The following PIK3C2A variants were observed in gnomAD, a reference collection of about 807,000 sequenced individuals.
PIK3C2A encodes the protein phosphatidylinositol 4-phosphate 3-kinase C2 domain-containing subunit alpha.
PIK3C2A carries 97 observed loss-of-function variants against 204.5 expected under a neutral mutation model. That is an observed-to-expected ratio of 0.47 (90% CI 0.40 to 0.56). PIK3C2A has a LOEUF of 0.56. Ranked by LOEUF, PIK3C2A falls within the 20% of genes least tolerant of loss-of-function variation. The pLI, the probability that PIK3C2A is intolerant of heterozygous loss-of-function variation, is 0.00. For synonymous variants in PIK3C2A, 653 were observed against 664.4 expected (o/e 0.98, Z 0.26); for missense variants, 1,735 against 1,969.2 (o/e 0.88, Z 2.25).
chr11:17,142,041 C>T (rs1202945482), intron 8 of PIK3C2A, among the ~76,000 whole-genome samples: 1 of 151,810 alleles, frequency 6.6e-6, no homozygotes, highest in African/African-American at 2.4e-5. Context: ...TATCTCTGTA[C>T]CTTCCTCTCA....
chr11:17,102,433 T>C (rs1182023792), intron 24 of PIK3C2A, among the ~76,000 whole-genome samples: 1 of 152,136 alleles, frequency 6.6e-6, no homozygotes, highest in African/African-American at 2.4e-5. Context: ...CAAGACTCCG[T>C]CTCAAAAAAA....
In PIK3C2A at chr11:17,110,057, A is replaced by G. The variant is rs561187246; in HGVS notation, c.3544+375T>C. Among the ~76,000 whole-genome samples, 6 of 152,154 alleles carry G rather than the reference A, an allele frequency of 3.9e-5. No individual in the cohort carries two copies. In the South Asian group the frequency reaches 6.2e-4, roughly 16 times the overall value. Reference sequence around the variant, plus strand: ...AGCCTCCGCCTCCCAAGTTCAAGCTATTCTCCCATCTCAGCCTCCTAAGCA... The same window carrying G: ...AGCCTCCGCCTCCCAAGTTCAAGCTGTTCTCCCATCTCAGCCTCCTAAGCA... On this transcript the variant is annotated intron_variant, in intron 22 of 32. Coordinates refer to ENST00000691414, the MANE Select transcript of PIK3C2A (RefSeq NM_002645.4).
Position 17,148,756 on chromosome 11 carries a change from T to A in PIK3C2A, c.1359A>T (p.Gln453His). 2 of 1,612,346 alleles carry A rather than the reference T, an allele frequency of 1.2e-6. No individual in the cohort carries two copies. The highest frequency in any genetic ancestry group is 1.7e-6 in the Non-Finnish European group (2 of 1,178,576). ...AGTCATCATGTACCCAGCAAAGGGCTTGCATTATAATGATTTCTACAGTAG... is the reference window on the plus strand; with the variant it reads ...AGTCATCATGTACCCAGCAAAGGGCATGCATTATAATGATTTCTACAGTAG... ...VSSTVEIIIMQALCWVHDDLN... is the reference protein window; with the variant it reads ...VSSTVEIIIMHALCWVHDDLN... Residue 453 changes from glutamine to histidine, a missense_variant, in exon 5 of 33, where the codon CAA becomes CAT. By Grantham distance (24) the Gln-to-His change is conservative (BLOSUM62 0). Coordinates refer to ENST00000691414, the MANE Select transcript of PIK3C2A (RefSeq NM_002645.4).
At chr11:17,182,785 T>C (rs1851608967) in intron 1 of PIK3C2A, among the ~76,000 whole-genome samples, 1 of 152,180 alleles carries the variant, frequency 6.6e-6, no homozygotes, top group African/African-American at 2.4e-5. Context: ...TGTGAATTAA[T>C]GAGCACTGCA....
At chr11:17,190,317 C>A (rs1851897355) in intron 1 of PIK3C2A, among the ~76,000 whole-genome samples, 1 of 151,748 alleles carries the variant, frequency 6.6e-6, no homozygotes, top group South Asian at 2.1e-4. Context: ...GTGGCTCACA[C>A]CTGTAATCCC....
Position 17,161,096 on chromosome 11 carries a change from T to C in PIK3C2A, c.1066-5467A>G, listed in dbSNP as rs139536428. Among the ~76,000 whole-genome samples the C allele has an allele frequency of 6.0e-3, 907 of 152,182 alleles. 18 individuals carry two copies. The highest frequency in any genetic ancestry group is 0.021 in the African/African-American group (862 of 41,524). On this transcript the variant is annotated intron_variant, in intron 2 of 32. Transcript: ENST00000691414. ...GAAGGTTTAAAATAATTCACAAAAA[T>C]TTATCATTAATACTCTGTAAAGTAG... is the stretch of plus-strand genomic sequence containing the variant.
rs79594642 is a variant in PIK3C2A at position 17,200,185 on chromosome 11, CA to C, written c.-66+7662del. Among the ~76,000 whole-genome samples the C allele has an allele frequency of 6.1e-3, 488 of 79,690 alleles. 1 individual carries two copies. Among genetic ancestry groups the C allele is most frequent in the African/African-American group, 9.5e-3 (307 of 32,162 alleles). The allele number at this position is 79,690 out of a possible 152,430, so 52.3% of individuals were successfully genotyped here. ...TGGGCGACAGAGCGAGACTGCATTT[CA>C]AAAAAAAAAAAGGCATTAGAAAGTC... is the stretch of plus-strand genomic sequence containing the variant. On this transcript the variant is annotated intron_variant, in intron 1 of 32. Coordinates refer to ENST00000691414, the MANE Select transcript of PIK3C2A (RefSeq NM_002645.4).
At chr11:17,206,224 G>GA (rs1478878398) in intron 1 of PIK3C2A, among the ~76,000 whole-genome samples, 3 of 152,120 alleles carry the variant, frequency 2.0e-5, no homozygotes, top group African/African-American at 4.8e-5. Flanking sequence ...ACTTTGATAA[G>GA]AAAAAACCTA....
chr11:17,146,929 AT>A (rs1850262840), intron 6 of PIK3C2A, among the ~76,000 whole-genome samples: 1 of 152,218 alleles, frequency 6.6e-6, no homozygotes, highest in Admixed American at 6.5e-5. Flanking sequence ...CAAATAAAGA[AT>A]AATTCTCTTT....
At position 17,091,978 on chromosome 11, in the gene PIK3C2A, G is replaced by GA. The variant is rs754560320; in HGVS notation, c.4642+17dup. The GA allele has an allele frequency of 3.2e-5, 49 of 1,535,640 alleles. No individual in the cohort carries two copies. The highest frequency in any genetic ancestry group is 4.5e-5 in the East Asian group (2 of 44,526). On this transcript the variant is annotated intron_variant, in intron 30 of 32. Coordinates refer to ENST00000691414, the MANE Select transcript of PIK3C2A (RefSeq NM_002645.4). ...GCAGATCATGAGTTACCAATAAAGA[G>GA]AAAAAAAATAATCTCACCTGCAGAC...
At chr11:17,168,246 C>G (rs1399496264) in intron 2 of PIK3C2A, among the ~76,000 whole-genome samples, 2 of 152,146 alleles carry the variant, frequency 1.3e-5, no homozygotes, top group South Asian at 4.2e-4. Context: ...CACTTGAGAG[C>G]AAAGAAAAAC....
intron 1 of PIK3C2A, among the ~76,000 whole-genome samples, chr11:17,199,816 T>C (rs909755517): frequency 1.3e-5 from 2 of 150,472 alleles, no homozygotes; most frequent in Non-Finnish European, 2.9e-5. Flanking sequence ...TCCCAGCTAC[T>C]CGGGAGGCTG....
At chr11:17,202,893 A>G (rs1251338392) in intron 1 of PIK3C2A, among the ~76,000 whole-genome samples, 1 of 152,212 alleles carries the variant, frequency 6.6e-6, no homozygotes, top group Non-Finnish European at 1.5e-5. Flanking sequence ...CAGTCATATC[A>G]ATAATGTAAC....
At chr11:17,125,649 G>C (rs1849498409) in intron 13 of PIK3C2A, among the ~76,000 whole-genome samples, 1 of 151,936 alleles carries the variant, frequency 6.6e-6, no homozygotes, top group African/African-American at 2.4e-5. Context: ...CAAGTAGCTG[G>C]GACTATAGGC....
intron 12 of PIK3C2A, among the ~76,000 whole-genome samples, chr11:17,130,438 A>G (rs1190231159): frequency 1.3e-5 from 2 of 152,218 alleles, no homozygotes; most frequent in Non-Finnish European, 2.9e-5. Context: ...AACATTTAAT[A>G]AATGTGGAAC....
At chr11:17,114,625 G>A (rs1849120381) in intron 19 of PIK3C2A, among the ~76,000 whole-genome samples, 160 bp from the exon 20 acceptor site, 1 of 152,148 alleles carries the variant, frequency 6.6e-6, no homozygotes, top group South Asian at 2.1e-4. Flanking sequence ...AAACTAGAAT[G>A]GCCAAAGGCT....
At chr11:17,125,386 A>G (rs1261852725) in intron 13 of PIK3C2A, among the ~76,000 whole-genome samples, 1 of 152,210 alleles carries the variant, frequency 6.6e-6, no homozygotes, top group Non-Finnish European at 1.5e-5. Context: ...ACAACAAAAA[A>G]TTATTTGGTC....
In PIK3C2A at chr11:17,087,345, A is replaced by G. The variant is rs897150605; in HGVS notation, c.*2393T>C. ...CACTCTACTTTTTGGTACGGGCTGA[A>G]GATTAGCATTTCATAAAGAAATAAA... On this transcript the variant is annotated 3_prime_UTR_variant, in exon 33 of 33. Transcript: ENST00000691414. The G allele has an allele frequency of 1.3e-5, 2 of 152,190 alleles. No homozygotes were observed. Among genetic ancestry groups the G allele is most frequent in the Admixed American group, 1.3e-4 (2 of 15,260 alleles). The allele number at this position is 152,190 out of a possible 1,614,324, so 9.4% of individuals were successfully genotyped here. A position where few individuals can be genotyped will look rare whatever the true frequency, so the allele number is the denominator to read the frequency against.
chr11:17,119,317 G>C lies in PIK3C2A; in HGVS notation c.2847-4C>G, dbSNP rs777188441. On this transcript the variant is annotated splice_polypyrimidine_tract_variant and splice_region_variant and intron_variant, in intron 16 of 32. Transcript: ENST00000691414. ...TCTTACTTCCTGATCAGCAAATCTA[G>C]AAGATTACCATAAAACCAAGATTGG... 5 of 1,565,776 alleles carry C rather than the reference G, an allele frequency of 3.2e-6. No individual in the cohort carries two copies. Among genetic ancestry groups the C allele is most frequent in the Non-Finnish European group, 4.4e-6 (5 of 1,137,732 alleles).
Sources: allele counts gnomAD v4.1 joint callset (sites outside exome capture counted in the v4.1 genomes callset), GRCh38; gene constraint gnomAD v4.1.1; transcripts MANE v1.5; gene names NCBI Gene and HGNC (gene_info 2026-07-23, HGNC 2026-07-21).